The following NSFL1C variants were observed in gnomAD, a reference collection of about 807,000 sequenced individuals.
The protein encoded by NSFL1C is NSFL1 cofactor.
A neutral mutation model predicts 43.1 loss-of-function variants in NSFL1C; 14 were observed. The ratio of observed to expected loss-of-function variants is 0.32; its 90% CI spans 0.21 to 0.51. The LOEUF (loss-of-function observed/expected upper bound fraction) is 0.51, where lower values mean the gene tolerates loss of function less well. NSFL1C is among the 20% of genes least tolerant of loss of function. The pLI is 0.98. For missense variants in NSFL1C, 406 were observed against 472.5 expected (o/e 0.86, Z 1.30); for synonymous variants, 171 against 183.5 (o/e 0.93, Z 0.55).
intron 5 of NSFL1C, 80 bp from the exon 6 acceptor site, chr20:1,453,220 T>C: frequency 1.3e-6 from 1 of 797,710 alleles, no homozygotes; most frequent in East Asian, 2.4e-5. Context: ...AGGTTTTTAC[T>C]ATTTCTCAGT....
At chr20:1,456,569 T>C (rs2090305238) in intron 3 of NSFL1C, 1 of 152,220 alleles carries the variant, frequency 6.6e-6, no homozygotes, top group Admixed American at 6.5e-5. Flanking sequence ...CCGAGGCAGA[T>C]CCTGTGGAGA....
chr20:1,452,736 G>C (rs2090209955), intron 6 of NSFL1C, 106 bp from the exon 7 acceptor site: 5 of 1,393,400 alleles, frequency 3.6e-6, no homozygotes. Context: ...AAAATCGCTG[G>C]GCCTCCAAAG....
intron 2 of NSFL1C, among the ~76,000 whole-genome samples, chr20:1,460,317 GC>G (rs772036776): frequency 6.6e-6 from 1 of 152,092 alleles, no homozygotes; most frequent in East Asian, 1.9e-4. Flanking sequence ...AAATCCCCAG[GC>G]CCCCTCTTAA....
intron 3 of NSFL1C, chr20:1,456,692 G>A (rs779729978): frequency 6.6e-6 from 1 of 152,172 alleles, no homozygotes; most frequent in Non-Finnish European, 1.5e-5. Context: ...CCTGGCTTCA[G>A]AACTGGGAGC....
At chr20:1,448,819 G>A (rs2090125265) in intron 7 of NSFL1C, among the ~76,000 whole-genome samples, 1 of 152,200 alleles carries the variant, frequency 6.6e-6, no homozygotes, top group Non-Finnish European at 1.5e-5. Context: ...GGTAGAGGCA[G>A]TATACAATCC....
intron 3 of NSFL1C, chr20:1,457,841 T>C (rs922023409): frequency 4.9e-5 from 10 of 204,350 alleles, no homozygotes; most frequent in Middle Eastern, 1.9e-3. Flanking sequence ...AAGACACTTA[T>C]GCTGATCCAT....
intron 6 of NSFL1C, 73 bp downstream of exon 6, chr20:1,452,958 C>T: frequency 2.3e-6 from 2 of 854,594 alleles, no homozygotes; most frequent in Admixed American, 3.6e-5. Flanking sequence ...AAATAATAAA[C>T]ATTCTGCCTC....
At chr20:1,464,452 G>A (rs768114672) in intron 1 of NSFL1C, 26 bp from the exon 2 acceptor site, 5 of 1,601,308 alleles carry the variant, frequency 3.1e-6, no homozygotes, top group South Asian at 1.1e-5. Context: ...AGTACCTTGG[G>A]ACCCTTAAAC....
chr20:1,460,150 C>T (rs2090380611), intron 2 of NSFL1C, among the ~76,000 whole-genome samples: 1 of 152,188 alleles, frequency 6.6e-6, no homozygotes, highest in Non-Finnish European at 1.5e-5. Flanking sequence ...ACAATCACAG[C>T]ACCAACCTAT....
chr20:1,445,608 T>G, intron 8 of NSFL1C, 58 bp downstream of exon 8: 1 of 1,574,642 alleles, frequency 6.4e-7, no homozygotes, highest in Non-Finnish European at 8.7e-7. Context: ...TTCCCACACA[T>G]TTGCGTGAGG....
intron 8 of NSFL1C, among the ~76,000 whole-genome samples, chr20:1,444,424 CTTT>C (rs1289498916): frequency 6.6e-6 from 1 of 152,204 alleles, no homozygotes; most frequent in Non-Finnish European, 1.5e-5. Flanking sequence ...GTGTGTGTCT[CTTT>C]TGTATATCAC....
At chr20:1,457,853 A>G (rs2090333524) in intron 3 of NSFL1C, 2 of 212,112 alleles carry the variant, frequency 9.4e-6, no homozygotes, top group South Asian at 1.9e-4. Flanking sequence ...CTGATCCATA[A>G]CTTCGCTACT....
intron 3 of NSFL1C, 37 bp from the exon 4 acceptor site, chr20:1,455,169 T>C (rs1009540600): frequency 5.6e-6 from 9 of 1,612,238 alleles, no homozygotes; most frequent in Non-Finnish European, 7.6e-6. Context: ...GAAACACTCA[T>C]GGAAAACATG....
intron 7 of NSFL1C, among the ~76,000 whole-genome samples, chr20:1,446,521 T>A (rs2090063131): frequency 6.6e-6 from 1 of 152,130 alleles, no homozygotes; most frequent in Non-Finnish European, 1.5e-5. Flanking sequence ...TATCTCAGAA[T>A]CACATGGACC....
At chr20:1,454,165 G>T in intron 5 of NSFL1C, 48 bp downstream of exon 5, 1 of 1,450,752 alleles carries the variant, frequency 6.9e-7, no homozygotes. Flanking sequence ...TCAGAAAAAT[G>T]GCAGAACAGT....
At chr20:1,466,447 C>T (rs2090513382) in intron 1 of NSFL1C, among the ~76,000 whole-genome samples, 1 of 152,224 alleles carries the variant, frequency 6.6e-6, no homozygotes, top group Non-Finnish European at 1.5e-5. Context: ...CTCTCCTCGC[C>T]GGCTGCCGCA....
At position 1,443,709 on chromosome 20, in the gene NSFL1C, T is replaced by C. The variant is rs367632040; in HGVS notation, c.*40A>G. On this transcript the variant is annotated 3_prime_UTR_variant, in exon 9 of 9. Transcript: ENST00000216879. The stretch of plus-strand genomic sequence containing the variant: ...CCCCATGGGGCATGGCCACTGGCCA[T>C]GGGAAACACAGGAGGGAGGCCAGGC... 3.6e-5 allele frequency: 58 copies of C among 1,609,624 alleles called. No homozygotes were observed. The East Asian group carries it at 3.8e-4, about 11-fold the overall frequency.
chr20:1,452,377 T>G, intron 7 of NSFL1C, 116 bp downstream of exon 7: 1 of 1,332,742 alleles, frequency 7.5e-7, no homozygotes, highest in Non-Finnish European at 1.0e-6. Context: ...CAAATAAAAT[T>G]TGAAGTATTT....
At chr20:1,451,016 G>C (rs2090169592) in intron 7 of NSFL1C, among the ~76,000 whole-genome samples, 1 of 152,114 alleles carries the variant, frequency 6.6e-6, no homozygotes, top group South Asian at 2.1e-4. Context: ...AGATATTTCT[G>C]GGTGTTAGCT....
Sources: allele counts gnomAD v4.1 joint callset (sites outside exome capture counted in the v4.1 genomes callset), GRCh38; gene constraint gnomAD v4.1.1; transcripts MANE v1.5; gene names NCBI Gene and HGNC (gene_info 2026-07-23, HGNC 2026-07-21).